PHGDH: variants seen among roughly 807,000 people sequenced by gnomAD.
PHGDH encodes the protein D-3-phosphoglycerate dehydrogenase.
In PHGDH, 50 loss-of-function variants were observed where a neutral mutation model predicts 52.6. That is an observed-to-expected ratio of 0.95 (90% CI 0.76 to 1.20). The LOEUF (loss-of-function observed/expected upper bound fraction) is 1.20, where lower values mean the gene tolerates loss of function less well. Ranked by LOEUF, PHGDH falls within the 50% of genes most tolerant of loss-of-function variation. The pLI, the probability that PHGDH is intolerant of heterozygous loss-of-function variation, is 0.00. For missense variants in PHGDH, 630 were observed against 684.6 expected (o/e 0.92, Z 0.89); for synonymous variants, 271 against 280.5 (o/e 0.97, Z 0.34).
chr1:119,721,442 G>C (rs1191915237), intron 2 of PHGDH, 121 bp downstream of exon 2: 2 of 985,382 alleles, frequency 2.0e-6, no homozygotes, highest in Non-Finnish European at 1.5e-6. Context: ...CTTCCAGGAG[G>C]ATGCCTGGTC....
chr1:119,725,012 G>A, intron 3 of PHGDH: 1 of 456,688 alleles, frequency 2.2e-6, no homozygotes, highest in Non-Finnish European at 4.4e-6. Context: ...CAATGTGGGT[G>A]GAGAGCAGGC....
chr1:119,729,709 G>A lies in PHGDH; in HGVS notation c.510+2607G>A, dbSNP rs796389761. 12 of 152,250 alleles carry A rather than the reference G, an allele frequency of 7.9e-5. 1 individual carries two copies. Among genetic ancestry groups the A allele is most frequent in the African/African-American group, 2.9e-4 (12 of 41,522 alleles). 9.4% of individuals were successfully genotyped at this position (152,250 alleles called of 1,614,324 possible). On this transcript the variant is annotated intron_variant, in intron 5 of 11. Coordinates refer to ENST00000641023, the MANE Select transcript of PHGDH (RefSeq NM_006623.4). Reference sequence around the variant, plus strand: ...TTCCAAGAGGTGCATGGGTACCTGGGACCTTGAGCATCAGTGTCAGGAAAT... The same window carrying A: ...TTCCAAGAGGTGCATGGGTACCTGGAACCTTGAGCATCAGTGTCAGGAAAT...
intron 4 of PHGDH, 37 bp downstream of exon 4, chr1:119,726,942 G>C (rs1392270572): frequency 6.2e-7 from 1 of 1,610,112 alleles, no homozygotes; most frequent in African/African-American, 1.3e-5. Flanking sequence ...CCTGGGCTCA[G>C]GGCCCGGGGT....
rs948124385 is a variant in PHGDH, at chr1:119,711,961, C to A, written c.-62C>A. ...AGTTACTCTAGCGCGCCAGGCCGAA[C>A]CGCAGCTTCTTGGCTTAGGTACTTC... On this transcript the variant is annotated 5_prime_UTR_variant, in exon 1 of 12. Coordinates refer to ENST00000641023, the MANE Select transcript of PHGDH (RefSeq NM_006623.4). 6.3e-7 allele frequency: 1 copy of A among 1,595,218 alleles called. No homozygotes were observed. The highest frequency in any genetic ancestry group is 2.0e-4 in the Middle Eastern group (1 of 4,882).
intron 7 of PHGDH, among the ~76,000 whole-genome samples, chr1:119,736,440 A>G (rs1183707310): frequency 6.6e-6 from 1 of 152,222 alleles, no homozygotes; most frequent in Non-Finnish European, 1.5e-5. Context: ...TTAAATGGTC[A>G]AAATTCAATG....
Position 119,743,946 on chromosome 1 carries a change from G to C in PHGDH, c.1508G>C (p.Gly503Ala). 1 of 1,613,474 alleles carries C rather than the reference G, an allele frequency of 6.2e-7. No homozygotes were observed. Among genetic ancestry groups the C allele is most frequent in the Non-Finnish European group, 8.5e-7 (1 of 1,179,372 alleles). ...TACCAGACTTCACTGGTGTCAGATG[G>C]GGAGACCTGGCACGTCATGGGCATC... Reference protein sequence around the residue: ...LSYQTSLVSDGETWHVMGISS... With the variant: ...LSYQTSLVSDAETWHVMGISS... Residue 503 changes from glycine to alanine, a missense_variant, in exon 12 of 12, where the codon GGG (glycine) becomes GCG (alanine). Transcript: ENST00000641023.
chr1:119,737,029 C>G, intron 7 of PHGDH, 85 bp from the exon 8 acceptor site: 1 of 1,400,768 alleles, frequency 7.1e-7, no homozygotes, highest in Non-Finnish European at 1.0e-6. Flanking sequence ...ACTGCCTTCC[C>G]TCCAACTTTC....
chr1:119,721,519 C>A, intron 2 of PHGDH, 198 bp downstream of exon 2: 2 of 585,948 alleles, frequency 3.4e-6, no homozygotes, highest in South Asian at 4.3e-5. Flanking sequence ...GCTATGCTCA[C>A]CACTATATCA....
In PHGDH at chr1:119,735,343, T is replaced by C; in HGVS notation, c.692T>C (p.Val231Ala). 1.2e-6 allele frequency: 2 copies of C among 1,614,190 alleles called. No individual in the cohort carries two copies. Among genetic ancestry groups the C allele is most frequent in the Non-Finnish European group, 1.7e-6 (2 of 1,180,034 alleles). Residue 231 changes from valine (V) to alanine (A), a missense_variant, in exon 7 of 12, where the codon GTG becomes GCG. Coordinates refer to ENST00000641023, the MANE Select transcript of PHGDH (RefSeq NM_006623.4). Reference protein sequence around the residue: ...TFAQCKKGVRVVNCARGGIVD... With the variant: ...TFAQCKKGVRAVNCARGGIVD... ...GCCCAGTGCAAGAAGGGGGTGCGTG[T>C]GGTGAACTGTGCCCGTGGAGGGATC...
At chr1:119,738,832 G>A (rs776226428) in intron 8 of PHGDH, among the ~76,000 whole-genome samples, 2 of 152,158 alleles carry the variant, frequency 1.3e-5, no homozygotes, top group Non-Finnish European at 2.9e-5. Context: ...GGTGAGAGGT[G>A]TATGGGCTCT....
chr1:119,727,302 T>TG, intron 5 of PHGDH, 200 bp downstream of exon 5: 2 of 612,124 alleles, frequency 3.3e-6, no homozygotes, highest in Non-Finnish European at 5.9e-6. Context: ...AAATACTTGG[T>TG]GGGGGTCCTT....
intron 6 of PHGDH, chr1:119,734,978 C>A: frequency 1.6e-6 from 1 of 641,980 alleles, no homozygotes; most frequent in Non-Finnish European, 2.7e-6. Context: ...GTAAGCTGGG[C>A]ACAGGGACAA....
intron 3 of PHGDH, chr1:119,726,619 G>C: frequency 1.7e-6 from 1 of 599,638 alleles, no homozygotes; most frequent in Non-Finnish European, 3.0e-6. Flanking sequence ...CCTCCTCCCA[G>C]ATGCCTGGCT....
chr1:119,742,613 T>C lies in PHGDH; in HGVS notation c.1210-194T>C, dbSNP rs71672734. The C allele has an allele frequency of 0.024, 15,296 of 637,568 alleles. 259 individuals are homozygous for C. The highest frequency in any genetic ancestry group is 0.045 in the African/African-American group (2,502 of 55,526). The allele number at this position is 637,568 out of a possible 1,614,324, so 39.5% of individuals were successfully genotyped here. On this transcript the variant is annotated intron_variant, in intron 10 of 11. Coordinates refer to ENST00000641023, the MANE Select transcript of PHGDH (RefSeq NM_006623.4). ...CTTTGCCCTCCCTTTAAGGAGATCA[T>C]TGGCTGTTCCAGGAAGCTGATGCCG...
In PHGDH at chr1:119,723,347, T is replaced by A. The variant is rs200123127; in HGVS notation, c.291-29T>A. The stretch of plus-strand genomic sequence containing the variant: ...AGTGGGAATACTGGGTCTGTGCCCA[T>A]TGATGTCCCCCTTTTCTTTGATCTT... On this transcript the variant is annotated intron_variant, in intron 2 of 11. Coordinates refer to ENST00000641023, the MANE Select transcript of PHGDH (RefSeq NM_006623.4). 7.4e-5 allele frequency: 116 copies of A among 1,578,002 alleles called. 2 individuals carry two copies. In the East Asian group the frequency reaches 2.2e-3, roughly 30 times the overall value.
intron 7 of PHGDH, among the ~76,000 whole-genome samples, chr1:119,736,613 C>T (rs1039079249): frequency 6.6e-6 from 1 of 152,150 alleles, no homozygotes. Flanking sequence ...CAGTTACCTG[C>T]GTGGAGTGTC....
At chr1:119,723,224 C>T (rs140630808) in intron 2 of PHGDH, 152 bp from the exon 3 acceptor site, 15 of 713,828 alleles carry the variant, frequency 2.1e-5, no homozygotes, top group Middle Eastern at 7.7e-4. Flanking sequence ...TGGCTTAGGG[C>T]GAGAGTACAT....
At chr1:119,734,595 A>G (rs766912629) in intron 5 of PHGDH, 39 bp from the exon 6 acceptor site, 2 of 1,603,288 alleles carry the variant, frequency 1.2e-6, no homozygotes, top group Non-Finnish European at 1.7e-6. Flanking sequence ...ACTAATAATT[A>G]AGAATGACAC....
At position 119,737,741 on chromosome 1, in the gene PHGDH, C is replaced by T. The variant is rs190245880; in HGVS notation, c.945+475C>T. ...ATGAGCCCTCTGTGCTGGCTGACCC[C>T]CTTGCTTTCCCCAAATCAAGGCATA... On this transcript the variant is annotated intron_variant, in intron 8 of 11. Coordinates refer to ENST00000641023, the MANE Select transcript of PHGDH (RefSeq NM_006623.4). 5.3e-3 allele frequency among the ~76,000 whole-genome samples: 811 copies of T among 152,244 alleles called. 3 individuals are homozygous for T. Among genetic ancestry groups the T allele is most frequent in the Middle Eastern group, 0.01 (3 of 294 alleles).
Sources: gnomAD v4.1 joint callset for allele counts (sites outside exome capture counted in the v4.1 genomes callset) on GRCh38, gnomAD v4.1.1 for gene constraint, MANE v1.5 for transcripts, NCBI Gene and HGNC (gene_info 2026-07-23, HGNC 2026-07-21) for gene names.